The following CSMD1 variants were observed in gnomAD, a reference collection of about 807,000 sequenced individuals.
CSMD1 encodes CUB and sushi domain-containing protein 1.
Under a neutral mutation model 417.5 loss-of-function variants are expected in CSMD1, and 213 were observed. The ratio of observed to expected loss-of-function variants is 0.51; its 90% CI spans 0.46 to 0.57. The LOEUF (loss-of-function observed/expected upper bound fraction) is 0.57. Ranked by LOEUF, CSMD1 falls within the 20% of genes least tolerant of loss-of-function variation. The pLI, the probability that CSMD1 is intolerant of heterozygous loss-of-function variation, is 0.00. For synonymous variants in CSMD1, 2,862 were observed against 1,736.8 expected, an observed-to-expected ratio of 1.65 and a Z score of -16.11; for missense variants, 6,923 against 4,529.7, an observed-to-expected ratio of 1.53 and a Z score of -15.17.
intron 1 of CSMD1, among the ~76,000 whole-genome samples, chr8:4,683,856 G>A (rs908039377): frequency 6.6e-6 from 1 of 152,198 alleles, no homozygotes; most frequent in Non-Finnish European, 1.5e-5. Flanking sequence ...ATATGAATCT[G>A]TTCATTTGGA....
At chr8:4,309,289 T>C (rs1798428519) in intron 3 of CSMD1, among the ~76,000 whole-genome samples, 1 of 152,146 alleles carries the variant, frequency 6.6e-6, no homozygotes, top group Admixed American at 6.5e-5. Flanking sequence ...TCAGATACAA[T>C]ATAATTGCAC....
intron 10 of CSMD1, among the ~76,000 whole-genome samples, chr8:3,550,453 T>A (rs1050250596): frequency 6.6e-6 from 1 of 152,212 alleles, no homozygotes; most frequent in Non-Finnish European, 1.5e-5. Context: ...TAAAAGTTTT[T>A]TAATTGACAC....
At chr8:3,773,923 G>A (rs1224434714) in intron 5 of CSMD1, among the ~76,000 whole-genome samples, 3 of 152,164 alleles carry the variant, frequency 2.0e-5, no homozygotes, top group Admixed American at 6.5e-5. Flanking sequence ...GTGAGGTTGA[G>A]TAATTTGCAT....
intron 7 of CSMD1, among the ~76,000 whole-genome samples, chr8:3,657,123 G>A (rs984342864): frequency 1.3e-5 from 2 of 152,046 alleles, no homozygotes; most frequent in Non-Finnish European, 2.9e-5. Context: ...GGAGAATATG[G>A]CATCATCTGT....
intron 7 of CSMD1, among the ~76,000 whole-genome samples, chr8:3,669,433 A>C (rs1798872285): frequency 6.6e-6 from 1 of 151,890 alleles, no homozygotes. Flanking sequence ...GTAGTGAGGG[A>C]CTCCACTGAT....
chr8:3,393,868 T>A lies in CSMD1; in HGVS notation c.2593+2326A>T, dbSNP rs927147322. On this transcript the variant is annotated intron_variant, in intron 17 of 69. Coordinates refer to ENST00000635120, the MANE Select transcript of CSMD1 (RefSeq NM_033225.6). ...GTGTGGGGAGGGGGCAGGGATAGCATTAGGAGATATACCTAATGTAAATGA... is the reference window on the plus strand; with the variant it reads ...GTGTGGGGAGGGGGCAGGGATAGCAATAGGAGATATACCTAATGTAAATGA... 5.3e-5 allele frequency among the ~76,000 whole-genome samples: 8 copies of A among 150,964 alleles called. No homozygotes were observed. The South Asian group carries it at 1.5e-3, about 28-fold the overall frequency.
chr8:3,575,226 G>C (rs967022933), intron 9 of CSMD1, among the ~76,000 whole-genome samples, 160 bp from the exon 10 acceptor site: 1 of 150,504 alleles, frequency 6.6e-6, no homozygotes, highest in African/African-American at 2.4e-5. Context: ...ACTCCAGTCA[G>C]CAAGTGGATT....
chr8:4,986,347 A>C (rs1177633919), intron 1 of CSMD1, among the ~76,000 whole-genome samples: 4 of 152,210 alleles, frequency 2.6e-5, no homozygotes, highest in Non-Finnish European at 1.5e-5. Flanking sequence ...CTTCAGGTAG[A>C]AGAAAATTAC....
intron 33 of CSMD1, among the ~76,000 whole-genome samples, chr8:3,191,686 C>CA (rs916287532): frequency 1.3e-5 from 2 of 152,096 alleles, no homozygotes; most frequent in African/African-American, 4.8e-5. Flanking sequence ...TTACCATCTA[C>CA]AGGAGATATT....
At chr8:4,618,408 A>G (rs1801596970) in intron 2 of CSMD1, among the ~76,000 whole-genome samples, 1 of 152,128 alleles carries the variant, frequency 6.6e-6, no homozygotes, top group Non-Finnish European at 1.5e-5. Flanking sequence ...TGAGATTTGA[A>G]CAGAAGAGCA....
chr8:4,400,192 G>C (rs1281163595), intron 3 of CSMD1, among the ~76,000 whole-genome samples: 3 of 152,212 alleles, frequency 2.0e-5, no homozygotes, highest in Non-Finnish European at 2.9e-5. Context: ...ACAAGCCATA[G>C]AGAAAGCAGC....
chr8:4,543,090 T>A (rs970589128), intron 2 of CSMD1, among the ~76,000 whole-genome samples: 4 of 152,228 alleles, frequency 2.6e-5, no homozygotes, highest in Non-Finnish European at 5.9e-5. Context: ...GTTTTCCCTA[T>A]TATCAACATC....
intron 12 of CSMD1, among the ~76,000 whole-genome samples, chr8:3,465,146 C>T (rs751997888): frequency 7.2e-5 from 11 of 152,150 alleles, no homozygotes; most frequent in Non-Finnish European, 1.6e-4. Flanking sequence ...GCTGGGGCCT[C>T]ACCAGCAGGG....
intron 2 of CSMD1, among the ~76,000 whole-genome samples, chr8:4,548,056 T>C (rs1563276187): frequency 6.6e-6 from 1 of 152,176 alleles, no homozygotes; most frequent in Non-Finnish European, 1.5e-5. Flanking sequence ...CCTTGCAATA[T>C]ATTAAATAAA....
At chr8:3,904,997 C>T (rs1195222344) in intron 5 of CSMD1, among the ~76,000 whole-genome samples, 1 of 152,058 alleles carries the variant, frequency 6.6e-6, no homozygotes, top group Non-Finnish European at 1.5e-5. Context: ...TACCAAGTTA[C>T]AAATATAGAA....
intron 5 of CSMD1, among the ~76,000 whole-genome samples, chr8:3,931,008 G>T (rs1810100051): frequency 1.3e-5 from 2 of 150,488 alleles, no homozygotes; most frequent in Non-Finnish European, 3.0e-5. Flanking sequence ...GTGTTAACTA[G>T]CCATAGTGCT....
intron 1 of CSMD1, among the ~76,000 whole-genome samples, chr8:4,955,107 G>A (rs1048920219): frequency 6.6e-6 from 1 of 152,070 alleles, no homozygotes; most frequent in Non-Finnish European, 1.5e-5. Flanking sequence ...TCACAGAAAT[G>A]GCTTTAAATG....
intron 1 of CSMD1, among the ~76,000 whole-genome samples, chr8:4,768,945 A>T (rs1321083497): frequency 1.3e-5 from 2 of 152,296 alleles, no homozygotes; most frequent in East Asian, 3.9e-4. Flanking sequence ...ATTTACCTAA[A>T]AGTCAGGTAA....
chr8:3,000,696 G>C (rs1447069530), intron 52 of CSMD1, among the ~76,000 whole-genome samples: 4 of 152,222 alleles, frequency 2.6e-5, no homozygotes, highest in African/African-American at 9.6e-5. Context: ...GTTGAAAAGA[G>C]AAGTCTAGAG....
Sources: gnomAD v4.1 joint callset for allele counts (sites outside exome capture counted in the v4.1 genomes callset) on GRCh38, gnomAD v4.1.1 for gene constraint, MANE v1.5 for transcripts, NCBI Gene and HGNC (gene_info 2026-07-23, HGNC 2026-07-21) for gene names.